USH2A: variants seen among roughly 807,000 people sequenced by gnomAD.
The protein encoded by USH2A is Usher syndrome 2A (autosomal recessive, mild).
A neutral mutation model predicts 538.9 loss-of-function variants in USH2A; 443 were observed. The ratio of observed to expected loss-of-function variants is 0.82; its 90% CI spans 0.76 to 0.89. The LOEUF (loss-of-function observed/expected upper bound fraction) is 0.89, where lower values mean the gene tolerates loss of function less well. USH2A is among the 40% of genes least tolerant of loss of function. USH2A has a pLI of 0.00. For missense variants in USH2A, 6,633 were observed against 6,324.8 expected, an observed-to-expected ratio of 1.05 and a Z score of -1.65; for synonymous variants, 2,413 against 2,273.5, an observed-to-expected ratio of 1.06 and a Z score of -1.75.
At chr1:215,689,852 T>C (rs904697077) in intron 61 of USH2A, among the ~76,000 whole-genome samples, 2 of 152,200 alleles carry the variant, frequency 1.3e-5, no homozygotes, top group Non-Finnish European at 1.5e-5. Context: ...GACACCCTAA[T>C]TGTAGCCTTA....
At chr1:215,791,592 AAC>A (rs1336023546) in intron 50 of USH2A, among the ~76,000 whole-genome samples, 2 of 152,218 alleles carry the variant, frequency 1.3e-5, no homozygotes, top group African/African-American at 4.8e-5. Flanking sequence ...CACTGATTCT[AAC>A]AGAGCTTTGG....
chr1:215,634,565 T>C lies in USH2A; in HGVS notation c.15191A>G (p.Gln5064Arg). 1 of 1,614,134 alleles carries C rather than the reference T, an allele frequency of 6.2e-7. No homozygotes were observed. Among genetic ancestry groups the C allele is most frequent in the Non-Finnish European group, 8.5e-7 (1 of 1,180,022 alleles). The change falls in exon 70 of 72, where the codon CAA becomes CGA. Residue 5064 changes from glutamine to arginine, a missense_variant. By Grantham distance (43) the Gln-to-Arg change is conservative. Coordinates refer to ENST00000307340, the MANE Select transcript of USH2A (RefSeq NM_206933.4). ...LLAIFLSLIL[Q>R]RKIHKEPYIR... ...ATATGGCTCTTTGTGGATTTTTCTT[T>C]GTAGTATCAGGGACAGAAAAATGGC...
chr1:215,623,310 G>GAGAA lies in USH2A; in HGVS notation c.*2467_*2470dup, dbSNP rs1247048667. The GAGAA allele has an allele frequency of 5.9e-5, 9 of 152,214 alleles. No homozygotes were observed. Among genetic ancestry groups the GAGAA allele is most frequent in the Admixed American group, 3.9e-4 (6 of 15,282 alleles). The allele number at this position is 152,214 out of a possible 1,614,324, so 9.4% of individuals were successfully genotyped here. A position where few individuals can be genotyped will look rare whatever the true frequency, so the allele number is the denominator to read the frequency against. On this transcript the variant is annotated 3_prime_UTR_variant, in exon 72 of 72. Coordinates refer to ENST00000307340, the MANE Select transcript of USH2A (RefSeq NM_206933.4). Reference sequence around the variant, plus strand: ...CAAGAACTGCTCATTGTTTATAAGGGAGAAGGGGTGAGCCAAGGAGCATAG... The same window carrying GAGAA: ...CAAGAACTGCTCATTGTTTATAAGGGAGAAAGAAGGGGTGAGCCAAGGAGCATAG...
At chr1:216,037,815 T>G (rs1326265954) in intron 32 of USH2A, among the ~76,000 whole-genome samples, 1 of 151,550 alleles carries the variant, frequency 6.6e-6, no homozygotes, top group African/African-American at 2.4e-5. Flanking sequence ...TAGTTTTTTT[T>G]TTTTCCTAAT....
chr1:216,124,594 G>A (rs2199101), intron 21 of USH2A, among the ~76,000 whole-genome samples: 53,122 of 151,958 alleles, frequency 0.35, 10,266 homozygotes, highest in East Asian at 0.73. Flanking sequence ...TGCAAGTCAT[G>A]GCAGAAATAT....
intron 30 of USH2A, among the ~76,000 whole-genome samples, chr1:216,065,494 T>A (rs534091869): frequency 5.3e-5 from 8 of 152,308 alleles, no homozygotes; most frequent in South Asian, 2.1e-4. Flanking sequence ...CAAAATTTTT[T>A]AAAAAATGAC....
At chr1:216,148,622 C>G (rs2033763714) in intron 21 of USH2A, among the ~76,000 whole-genome samples, 1 of 152,224 alleles carries the variant, frequency 6.6e-6, no homozygotes, top group East Asian at 1.9e-4. Context: ...TATAAACTCT[C>G]CTTACAATTC....
chr1:215,946,174 A>G (rs756301058), intron 37 of USH2A, among the ~76,000 whole-genome samples: 2 of 152,182 alleles, frequency 1.3e-5, no homozygotes, highest in Admixed American at 1.3e-4. Flanking sequence ...TGATGGACCT[A>G]TAGATCCAAA....
intron 43 of USH2A, among the ~76,000 whole-genome samples, chr1:215,871,264 A>G (rs184975381): frequency 6.6e-6 from 1 of 152,244 alleles, no homozygotes; most frequent in Admixed American, 6.5e-5. Context: ...TTAAAATCTT[A>G]CTTGTGGAAC....
At chr1:216,239,649 T>G (rs955867688) in intron 13 of USH2A, among the ~76,000 whole-genome samples, 19 of 152,090 alleles carry the variant, frequency 1.2e-4, no homozygotes, top group African/African-American at 4.6e-4. Context: ...GGTGGAGTGA[T>G]GGGATGTTAC....
rs537764788 is a variant in USH2A at position 216,253,185 on chromosome 1, GA to G, written c.1972-2088del. 2.9e-4 allele frequency among the ~76,000 whole-genome samples: 42 copies of G among 143,664 alleles called. 1 individual carries two copies. In the South Asian group the frequency reaches 8.5e-3, roughly 29 times the overall value. 94.2% of individuals were successfully genotyped at this position (143,664 alleles called of 152,430 possible). On this transcript the variant is annotated intron_variant, in intron 11 of 71. Transcript: ENST00000307340. ...TTTTTTGAGATGGAGTTTAACTCTT[GA>G]AAAATGATTGAAACAGACATTTAAA...
chr1:215,782,529 T>C (rs1661672623), intron 53 of USH2A, among the ~76,000 whole-genome samples: 1 of 152,210 alleles, frequency 6.6e-6, no homozygotes, highest in South Asian at 2.1e-4. Flanking sequence ...AACTTTCATT[T>C]CTATTTTTTT....
intron 9 of USH2A, among the ~76,000 whole-genome samples, chr1:216,298,734 G>A (rs17026530): frequency 0.018 from 2,776 of 152,308 alleles, 89 homozygotes; most frequent in African/African-American, 0.063. Flanking sequence ...GAAAGGGCCA[G>A]TGCAGAACAC....
rs200601403 is a variant in USH2A at position 215,674,465 on chromosome 1, A to G, written c.13446T>C (p.Asp4482=). The G allele has an allele frequency of 1.9e-5, 31 of 1,614,126 alleles. 1 individual carries two copies. In the African/African-American group the frequency reaches 3.5e-4, roughly 18 times the overall value. Residue 4482 remains aspartate (D), a synonymous_variant, in exon 63 of 72, where the codon GAT becomes GAC. Coordinates refer to ENST00000307340, the MANE Select transcript of USH2A (RefSeq NM_206933.4). ...GQIRSYELRR[D]GTIVYTGLET... ...CCAAGCCTGTATATACAATGGTTCCATCCCTCCTAAGTTCATAACTTCTGA... is the reference window on the plus strand; with the variant it reads ...CCAAGCCTGTATATACAATGGTTCCGTCCCTCCTAAGTTCATAACTTCTGA...
At chr1:215,918,977 A>G (rs1194144488) in intron 38 of USH2A, among the ~76,000 whole-genome samples, 1 of 152,096 alleles carries the variant, frequency 6.6e-6, no homozygotes, top group Non-Finnish European at 1.5e-5. Context: ...AGTCTAAAAC[A>G]AATGTATTCA....
At chr1:215,793,568 CA>C (rs71646414) in intron 50 of USH2A, among the ~76,000 whole-genome samples, 21,889 of 149,508 alleles carry the variant, frequency 0.15, 1,826 homozygotes, top group African/African-American at 0.21. Context: ...TTACACTTTT[CA>C]AAAAAAAAAT....
chr1:216,051,201 C>T (rs1241106712), intron 30 of USH2A, among the ~76,000 whole-genome samples: 1 of 152,178 alleles, frequency 6.6e-6, no homozygotes, highest in Non-Finnish European at 1.5e-5. Context: ...TTTGTATCTA[C>T]AGACTTCACA....
chr1:216,014,710 A>T (rs1668665487), intron 32 of USH2A, among the ~76,000 whole-genome samples: 1 of 152,238 alleles, frequency 6.6e-6, no homozygotes, highest in Non-Finnish European at 1.5e-5. Flanking sequence ...TATGCATTAG[A>T]AATGGATCCA....
chr1:216,097,335 G>A, intron 21 of USH2A, 122 bp from the exon 22 acceptor site: 2 of 1,540,480 alleles, frequency 1.3e-6, no homozygotes, highest in Non-Finnish European at 1.8e-6. Context: ...ATTATACACA[G>A]CAATATACTC....
Sources: gnomAD v4.1 joint callset for allele counts (sites outside exome capture counted in the v4.1 genomes callset) on GRCh38, gnomAD v4.1.1 for gene constraint, MANE v1.5 for transcripts, NCBI Gene and HGNC (gene_info 2026-07-23, HGNC 2026-07-21) for gene names.